Variants in PCDHA11 observed in about 807,000 individuals in gnomAD.
PCDHA11 encodes protocadherin alpha-11.
In PCDHA11, 61 loss-of-function variants were observed where a neutral mutation model predicts 70.3. The observed-to-expected ratio is 0.87, with a 90% confidence interval of 0.71 to 1.07. PCDHA11 has a LOEUF of 1.07. Ranked by LOEUF, PCDHA11 falls within the 50% of genes least tolerant of loss-of-function variation. PCDHA11 has a pLI of 0.00. For missense variants in PCDHA11, 1,324 were observed against 1,237.5 expected, an observed-to-expected ratio of 1.07 and a Z score of -1.05; for synonymous variants, 633 against 555.1, an observed-to-expected ratio of 1.14 and a Z score of -1.97.
At chr5:140,955,296 G>A (rs1554221862) in intron 1 of PCDHA11, among the ~76,000 whole-genome samples, 1 of 151,904 alleles carries the variant, frequency 6.6e-6, no homozygotes, top group Admixed American at 6.6e-5. Context: ...GTTTGGCTGT[G>A]TCCCCACCCA....
chr5:140,949,161 C>T (rs2094347975), intron 1 of PCDHA11, among the ~76,000 whole-genome samples: 1 of 151,598 alleles, frequency 6.6e-6, no homozygotes, highest in Admixed American at 6.6e-5. Context: ...TAATCTAATT[C>T]TCTTTTGGTC....
At chr5:140,887,048 A>G (rs997240150) in intron 1 of PCDHA11, among the ~76,000 whole-genome samples, 21 of 152,068 alleles carry the variant, frequency 1.4e-4, no homozygotes, top group Admixed American at 1.4e-3. Context: ...TTTATAGTGC[A>G]TATGTTCTGG....
intron 1 of PCDHA11, among the ~76,000 whole-genome samples, chr5:140,901,260 T>C (rs1554189701): frequency 6.6e-6 from 1 of 152,308 alleles, no homozygotes; most frequent in East Asian, 1.9e-4. Flanking sequence ...CCTGTGATTG[T>C]GGGGTATTAC....
At chr5:140,884,066 G>C in intron 1 of PCDHA11, 3 of 1,613,514 alleles carry the variant, frequency 1.9e-6, no homozygotes, top group Non-Finnish European at 2.5e-6. Flanking sequence ...GGTGGACGCC[G>C]ATTCGGGCTA....
chr5:140,875,882 A>G (rs2055902382), intron 1 of PCDHA11: 1 of 1,614,158 alleles, frequency 6.2e-7, no homozygotes, highest in Non-Finnish European at 8.5e-7. Flanking sequence ...AGAGAAAGGG[A>G]ACAAAAGGTA....
intron 3 of PCDHA11, among the ~76,000 whole-genome samples, chr5:140,998,139 G>C (rs1354714500): frequency 2.0e-5 from 3 of 152,176 alleles, no homozygotes; most frequent in Non-Finnish European, 4.4e-5. Flanking sequence ...TAGCTAACCT[G>C]TACTGAACAG....
At chr5:140,971,695 A>G (rs563817946) in intron 1 of PCDHA11, among the ~76,000 whole-genome samples, 26 of 152,062 alleles carry the variant, frequency 1.7e-4, no homozygotes, top group Admixed American at 5.2e-4. Flanking sequence ...GTACTCACTA[A>G]CCACCCTGCT....
intron 1 of PCDHA11, among the ~76,000 whole-genome samples, chr5:140,902,149 G>T (rs1471758440): frequency 6.8e-6 from 1 of 147,458 alleles, no homozygotes; most frequent in African/African-American, 2.5e-5. Flanking sequence ...AGGATAATTT[G>T]ATTTCTTCCT....
At chr5:140,986,668 A>C (rs927109652) in intron 3 of PCDHA11, among the ~76,000 whole-genome samples, 15 of 152,192 alleles carry the variant, frequency 9.9e-5, no homozygotes, top group African/African-American at 3.6e-4. Context: ...CACAGTTTTC[A>C]GAAGAGTTCA....
chr5:140,967,966 G>A, intron 1 of PCDHA11: 1 of 1,614,214 alleles, frequency 6.2e-7, no homozygotes, highest in African/African-American at 1.3e-5. Context: ...ACCGGAAAGT[G>A]AGCCTGGGTC....
chr5:140,973,209 C>T (rs1273068326), intron 1 of PCDHA11, among the ~76,000 whole-genome samples: 4 of 152,100 alleles, frequency 2.6e-5, no homozygotes, highest in Non-Finnish European at 4.4e-5. Flanking sequence ...GCATATTCAC[C>T]CTAATTCCAG....
rs2056458194 is a variant in PCDHA11, at chr5:140,876,609, T to C, written c.2391+5115T>C. ...TGATTAGCGTGTCGGATCGTGACTC[T>C]GGAGCCAATGGACAGGTCATCTGCT... On this transcript the variant is annotated intron_variant, in intron 1 of 3. Coordinates refer to ENST00000398640, the MANE Select transcript of PCDHA11 (RefSeq NM_018902.5). The C allele has an allele frequency of 3.1e-6, 5 of 1,614,226 alleles. No individual in the cohort carries two copies. In the East Asian group the frequency reaches 1.1e-4, roughly 36 times the overall value.
Position 140,962,028 on chromosome 5 carries a change from C to A in PCDHA11, c.2392-16921C>A, listed in dbSNP as rs1046578713. Among the ~76,000 whole-genome samples the A allele has an allele frequency of 5.9e-5, 9 of 152,036 alleles. No individual in the cohort carries two copies. In the South Asian group the frequency reaches 1.7e-3, roughly 28 times the overall value. The stretch of plus-strand genomic sequence containing the variant: ...CTTCCCGAGTAGCTGGGACTACAGG[C>A]ACCCACCACCATGCCTGGCTAATTT... On this transcript the variant is annotated intron_variant, in intron 1 of 3. Transcript: ENST00000398640.
Position 140,871,550 on chromosome 5 carries a change from C to A in PCDHA11, c.2391+56C>A, listed in dbSNP as rs369025500. On this transcript the variant is annotated intron_variant, in intron 1 of 3. Transcript: ENST00000398640. The stretch of plus-strand genomic sequence containing the variant: ...AAGTGTATGTGAAATTATTTAAAAT[C>A]CAGTTTTTTTTCACGGATTTTTTAA... The A allele has an allele frequency of 1.6e-4, 246 of 1,495,268 alleles. 8 individuals are homozygous for A. In the South Asian group the frequency reaches 3.1e-3, roughly 19 times the overall value. The allele number at this position is 1,495,268 out of a possible 1,614,324, so 92.6% of individuals were successfully genotyped here.
intron 1 of PCDHA11, among the ~76,000 whole-genome samples, chr5:140,969,883 A>G (rs1161815776): frequency 6.6e-6 from 1 of 152,204 alleles, no homozygotes; most frequent in African/African-American, 2.4e-5. Flanking sequence ...ATGTGATAGG[A>G]TCCTCTGGAA....
At chr5:140,965,238 A>T (rs540671197) in intron 1 of PCDHA11, among the ~76,000 whole-genome samples, 1 of 152,314 alleles carries the variant, frequency 6.6e-6, no homozygotes, top group African/African-American at 2.4e-5. Flanking sequence ...ACCTGGGAAG[A>T]GTGAATATTC....
intron 1 of PCDHA11, among the ~76,000 whole-genome samples, chr5:140,913,241 T>C (rs1325092057): frequency 6.6e-6 from 1 of 152,226 alleles, no homozygotes; most frequent in African/African-American, 2.4e-5. Context: ...GGGAGACTTT[T>C]TGTTACAACT....
chr5:140,882,152 G>A (rs1582595300), intron 1 of PCDHA11: 2 of 1,505,314 alleles, frequency 1.3e-6, no homozygotes, highest in Non-Finnish European at 8.9e-7. Flanking sequence ...GCAGAAAGCG[G>A]AATACCTCTT....
chr5:140,975,612 C>T (rs1554236918), intron 1 of PCDHA11, among the ~76,000 whole-genome samples: 1 of 152,194 alleles, frequency 6.6e-6, no homozygotes, highest in Non-Finnish European at 1.5e-5. Flanking sequence ...ATGTCTTCCA[C>T]ATGGATTTCC....
Sources: gnomAD v4.1 joint callset for allele counts (sites outside exome capture counted in the v4.1 genomes callset) on GRCh38, gnomAD v4.1.1 for gene constraint, MANE v1.5 for transcripts, NCBI Gene and HGNC (gene_info 2026-07-23, HGNC 2026-07-21) for gene names.